NUP188: variants seen among roughly 807,000 people sequenced by gnomAD.
The protein encoded by NUP188 is nucleoporin NUP188.
In NUP188, 97 loss-of-function variants were observed where a neutral mutation model predicts 223.0. The ratio of observed to expected loss-of-function variants is 0.43; its 90% CI spans 0.37 to 0.51. The LOEUF (loss-of-function observed/expected upper bound fraction) is 0.51. NUP188 is among the 20% of genes least tolerant of loss of function. The probability of loss-of-function intolerance (pLI) is 0.00; values close to 1 mark genes in which losing one functional copy is unlikely to be tolerated. For synonymous variants in NUP188, 869 were observed against 828.0 expected (o/e 1.05, Z -0.85); for missense variants, 1,947 against 2,175.6 (o/e 0.89, Z 2.09).
chr9:128,967,790 CAA>C (rs753211464), intron 8 of NUP188, among the ~76,000 whole-genome samples: 3,097 of 124,884 alleles, frequency 0.025, 113 homozygotes, highest in African/African-American at 0.084. Context: ...GACTTCGTCT[CAA>C]AAAAAAAAAA....
intron 1 of NUP188, 72 bp from the exon 2 acceptor site, chr9:128,949,117 A>G (rs1400961175): frequency 4.5e-6 from 5 of 1,110,696 alleles, no homozygotes; most frequent in Non-Finnish European, 2.7e-6. Context: ...AGCAGACAAA[A>G]TGGCTATGAG....
intron 11 of NUP188, among the ~76,000 whole-genome samples, chr9:128,971,180 A>C (rs145632081): frequency 6.6e-6 from 1 of 152,176 alleles, no homozygotes; most frequent in South Asian, 2.1e-4. Flanking sequence ...TGTTTTATAC[A>C]TTAGGAAATT....
At chr9:128,962,496 A>G (rs558919918) in intron 8 of NUP188, among the ~76,000 whole-genome samples, 1 of 151,422 alleles carries the variant, frequency 6.6e-6, no homozygotes, top group Non-Finnish European at 1.5e-5. Context: ...TGACCCACCC[A>G]CCTCTGCCTC....
At chr9:128,996,596 C>G (rs926068052) in intron 30 of NUP188, among the ~76,000 whole-genome samples, 21 of 152,138 alleles carry the variant, frequency 1.4e-4, no homozygotes, top group Admixed American at 2.6e-4. Flanking sequence ...AGGTTTGTGG[C>G]TACTCTTGCT....
intron 8 of NUP188, among the ~76,000 whole-genome samples, chr9:128,961,157 TAAA>T (rs748866948): frequency 7.1e-6 from 1 of 140,422 alleles, no homozygotes; most frequent in East Asian, 2.1e-4. Context: ...CTGTCTCTAG[TAAA>T]AAAATATACA....
intron 8 of NUP188, among the ~76,000 whole-genome samples, chr9:128,967,961 A>G (rs910613832): frequency 2.6e-5 from 4 of 152,054 alleles, no homozygotes; most frequent in Non-Finnish European, 4.4e-5. Context: ...CCTCTCTCAA[A>G]AGAAAAGATA....
chr9:128,993,415 A>T lies in NUP188; in HGVS notation c.2847+12A>T. Reference sequence around the variant, plus strand: ...GTGATGGCTCAAAGGTAAGCCTGTAACCTGGGATGACACTGGGAGTTGGCT... The same window carrying T: ...GTGATGGCTCAAAGGTAAGCCTGTATCCTGGGATGACACTGGGAGTTGGCT... On this transcript the variant is annotated intron_variant, in intron 26 of 43. Coordinates refer to ENST00000372577, the MANE Select transcript of NUP188 (RefSeq NM_015354.3). The T allele has an allele frequency of 6.2e-7, 1 of 1,613,900 alleles. No homozygotes were observed. The highest frequency in any genetic ancestry group is 8.5e-7 in the Non-Finnish European group (1 of 1,179,772).
At chr9:128,970,189 A>G (rs1344325098) in intron 10 of NUP188, among the ~76,000 whole-genome samples, 1 of 152,144 alleles carries the variant, frequency 6.6e-6, no homozygotes, top group African/African-American at 2.4e-5. Context: ...CAGCCTCCCA[A>G]AGTGCTGGAA....
intron 12 of NUP188, among the ~76,000 whole-genome samples, chr9:128,975,181 G>A (rs538413419): frequency 3.2e-4 from 46 of 143,532 alleles, no homozygotes; most frequent in African/African-American, 9.9e-4. Context: ...TATTTTCTCC[G>A]TTGCTTACTT....
intron 28 of NUP188, among the ~76,000 whole-genome samples, 179 bp from the exon 29 acceptor site, chr9:128,994,677 C>T (rs1190461391): frequency 6.6e-6 from 1 of 152,238 alleles, no homozygotes; most frequent in African/African-American, 2.4e-5. Context: ...CTTCTCCATT[C>T]AGTTGGAGAC....
rs1474790131 is a variant in NUP188, at chr9:129,006,728, C to G, written c.*50C>G. On this transcript the variant is annotated 3_prime_UTR_variant, in exon 44 of 44. Coordinates refer to ENST00000372577, the MANE Select transcript of NUP188 (RefSeq NM_015354.3). Reference sequence around the variant, plus strand: ...CCCTCTCCACCAGCCTACACTGCACCCTGGCTGGCAGGGGTGCTGCTGGCT... The same window carrying G: ...CCCTCTCCACCAGCCTACACTGCACGCTGGCTGGCAGGGGTGCTGCTGGCT... The G allele has an allele frequency of 3.0e-5, 47 of 1,550,494 alleles. No individual in the cohort carries two copies. Among genetic ancestry groups the G allele is most frequent in the Non-Finnish European group, 3.8e-5 (44 of 1,152,234 alleles).
chr9:128,965,195 A>T (rs1842011267), intron 8 of NUP188, among the ~76,000 whole-genome samples: 1 of 152,074 alleles, frequency 6.6e-6, no homozygotes, highest in Non-Finnish European at 1.5e-5. Flanking sequence ...TAAAATTTTC[A>T]TCAAGTTTCT....
intron 5 of NUP188, 83 bp downstream of exon 5, chr9:128,957,115 ATTCTT>A: frequency 1.1e-6 from 1 of 943,730 alleles, no homozygotes; most frequent in South Asian, 1.6e-5. Flanking sequence ...TTTGGCACCA[ATTCTT>A]TTATCGGTGG....
intron 13 of NUP188, 51 bp from the exon 14 acceptor site, chr9:128,980,555 G>A (rs1842239999): frequency 6.4e-7 from 1 of 1,562,154 alleles, no homozygotes; most frequent in South Asian, 1.2e-5. Context: ...TTGGAGAGAT[G>A]TTAATTTGTG....
intron 22 of NUP188, among the ~76,000 whole-genome samples, chr9:128,987,088 A>AGAGTGTGTGTGTGTGTGT (rs1450678206): frequency 6.2e-5 from 7 of 113,262 alleles, no homozygotes; most frequent in Non-Finnish European, 1.1e-4. Context: ...AGAGAGAGAG[A>AGAGTGTGTGTGTGTGTGT]GTGTGTGTGT....
intron 8 of NUP188, among the ~76,000 whole-genome samples, chr9:128,963,263 T>G (rs1841979712): frequency 6.6e-6 from 1 of 152,076 alleles, no homozygotes; most frequent in Non-Finnish European, 1.5e-5. Flanking sequence ...AGAGTGAGAT[T>G]GCTGAGTCGT....
At chr9:128,978,579 A>AG (rs1475189794) in intron 12 of NUP188, among the ~76,000 whole-genome samples, 2 of 148,974 alleles carry the variant, frequency 1.3e-5, no homozygotes, top group Non-Finnish European at 3.0e-5. Context: ...AAAAAAAAAA[A>AG]GGTAAAAAGG....
chr9:128,993,961 A>G (rs1842474036), intron 27 of NUP188, among the ~76,000 whole-genome samples: 1 of 152,202 alleles, frequency 6.6e-6, no homozygotes, highest in Non-Finnish European at 1.5e-5. Flanking sequence ...TATTCTTGAG[A>G]AACAGTAGAT....
chr9:129,003,214 C>A (rs1564568593), intron 37 of NUP188, 103 bp from the exon 38 acceptor site: 2 of 1,395,334 alleles, frequency 1.4e-6, no homozygotes, highest in Non-Finnish European at 1.9e-6. Flanking sequence ...GCCAACTCAG[C>A]ATTTGGGGGC....
Sources: allele counts gnomAD v4.1 joint callset (sites outside exome capture counted in the v4.1 genomes callset), GRCh38; gene constraint gnomAD v4.1.1; transcripts MANE v1.5; gene names NCBI Gene and HGNC (gene_info 2026-07-23, HGNC 2026-07-21).